Variants in ATG12 observed in about 807,000 individuals in gnomAD.
The protein encoded by ATG12 is autophagy related 12.
Under a neutral mutation model 17.6 loss-of-function variants are expected in ATG12, and 19 were observed. That is an observed-to-expected ratio of 1.08 (90% CI 0.75 to 1.58). The LOEUF is 1.58. Among genes scored for constraint, ATG12 ranks in the 40% most tolerant of loss-of-function variants. The pLI is 0.00. For missense variants in ATG12, 214 were observed against 162.0 expected (o/e 1.32, Z -1.74); for synonymous variants, 75 against 62.4 (o/e 1.20, Z -0.95).
rs1760827916 is a variant in ATG12, at chr5:115,830,547, T to A, written c.*1257A>T. The A allele has an allele frequency of 6.6e-6, 1 of 152,054 alleles. No homozygotes were observed. Among genetic ancestry groups the A allele is most frequent in the Non-Finnish European group, 1.5e-5 (1 of 68,002 alleles). The allele number at this position is 152,054 out of a possible 1,614,324, so 9.4% of individuals were successfully genotyped here. A position where few individuals can be genotyped will look rare whatever the true frequency, so the allele number is the denominator to read the frequency against. On this transcript the variant is annotated 3_prime_UTR_variant, in exon 4 of 4. Transcript: ENST00000509910. ...TTACATTCGATTTACTAGAATGCCT[T>A]TTTTTTTCTTTTTTGAGATGGGGTC...
intron 1 of ATG12, among the ~76,000 whole-genome samples, chr5:115,839,906 A>C (rs796718610): frequency 7.2e-5 from 11 of 152,358 alleles, no homozygotes; most frequent in African/African-American, 1.9e-4. Flanking sequence ...CTCATCCTTA[A>C]ATGACAGTTC....
At chr5:115,834,332 T>C (rs1307690777) in intron 2 of ATG12, 2 of 152,218 alleles carry the variant, frequency 1.3e-5, no homozygotes, top group East Asian at 1.9e-4. Context: ...ATAAATCTGT[T>C]TGCATACTAT....
chr5:115,832,010 G>T, intron 3 of ATG12, 147 bp from the exon 4 acceptor site: 1 of 719,434 alleles, frequency 1.4e-6, no homozygotes, highest in Non-Finnish European at 2.3e-6. Flanking sequence ...AAGGATGCCT[G>T]TTTCTATCAG....
In ATG12 at chr5:115,831,877, A is replaced by G. The variant is rs776332856; in HGVS notation, c.364-14T>C. 1.9e-5 allele frequency: 30 copies of G among 1,584,440 alleles called. No homozygotes were observed. Among genetic ancestry groups the G allele is most frequent in the Non-Finnish European group, 2.5e-5 (29 of 1,169,562 alleles). ...ACTGCCAAAACACTACAAAAAAAAA[A>G]GGCAATAAATCAAACTCAATCTTTT... On this transcript the variant is annotated splice_polypyrimidine_tract_variant and intron_variant, in intron 3 of 3. Coordinates refer to ENST00000509910, the MANE Select transcript of ATG12 (RefSeq NM_004707.4).
chr5:115,833,883 T>G (rs931650499), intron 2 of ATG12: 2 of 152,192 alleles, frequency 1.3e-5, no homozygotes, highest in African/African-American at 4.8e-5. Context: ...GGGGAAGGGC[T>G]CTCAATAACA....
Position 115,829,584 on chromosome 5 carries a change from A to G in ATG12, c.*2220T>C, listed in dbSNP as rs1175037609. 6.6e-6 allele frequency: 1 copy of G among 152,242 alleles called. No individual in the cohort carries two copies. Among genetic ancestry groups the G allele is most frequent in the African/African-American group, 2.4e-5 (1 of 41,460 alleles). The allele number at this position is 152,242 out of a possible 1,614,324, so 9.4% of individuals were successfully genotyped here. On this transcript the variant is annotated 3_prime_UTR_variant, in exon 4 of 4. Coordinates refer to ENST00000509910, the MANE Select transcript of ATG12 (RefSeq NM_004707.4). The stretch of plus-strand genomic sequence containing the variant: ...TATGCACAGTAAGATGAAGCATGAT[A>G]TTAATGACATCTATTTAGTCACAAA...
At chr5:115,836,360 AAACT>A (rs1349957777) in intron 2 of ATG12, among the ~76,000 whole-genome samples, 7 of 152,238 alleles carry the variant, frequency 4.6e-5, no homozygotes, top group Non-Finnish European at 8.8e-5. Context: ...ATGTATTTCT[AAACT>A]AATGCATTAA....
At chr5:115,839,960 G>A (rs1037827761) in intron 1 of ATG12, among the ~76,000 whole-genome samples, 1 of 152,218 alleles carries the variant, frequency 6.6e-6, no homozygotes, top group Admixed American at 6.5e-5. Context: ...ATATGCCCTC[G>A]GGCAATATTT....
Position 115,828,985 on chromosome 5 carries a change from T to TG in ATG12, c.*2818_*2819insC, listed in dbSNP as rs1760752275. The TG allele has an allele frequency of 6.6e-6, 1 of 152,186 alleles. No homozygotes were observed. The highest frequency in any genetic ancestry group is 1.5e-5 in the Non-Finnish European group (1 of 68,018). The allele number at this position is 152,186 out of a possible 1,614,324, so 9.4% of individuals were successfully genotyped here. A position where few individuals can be genotyped will look rare whatever the true frequency, so the allele number is the denominator to read the frequency against. On this transcript the variant is annotated 3_prime_UTR_variant, in exon 4 of 4. Coordinates refer to ENST00000509910, the MANE Select transcript of ATG12 (RefSeq NM_004707.4). ...GTTAGGATTTGAAAGGGTGAAGGTG[T>TG]AAGTAAACTGCACGAGCAGAAGTAG... is the stretch of plus-strand genomic sequence containing the variant.
chr5:115,832,049 T>C (rs551478989), intron 3 of ATG12, among the ~76,000 whole-genome samples, 186 bp from the exon 4 acceptor site: 1 of 152,342 alleles, frequency 6.6e-6, no homozygotes, highest in South Asian at 2.1e-4. Flanking sequence ...AAGTGTTTAA[T>C]AAAATCTGTC....
At chr5:115,832,803 T>C (rs563154173) in intron 2 of ATG12, 139 bp from the exon 3 acceptor site, 34 of 771,540 alleles carry the variant, frequency 4.4e-5, no homozygotes, top group Non-Finnish European at 6.0e-5. Flanking sequence ...CTTTTCTAAA[T>C]AGTCAATTTA....
intron 1 of ATG12, 62 bp from the exon 2 acceptor site, chr5:115,837,826 TAA>T (rs1761169098): frequency 7.3e-7 from 1 of 1,363,980 alleles, no homozygotes; most frequent in Admixed American, 2.7e-5. Flanking sequence ...GAATGGAATA[TAA>T]AAGACTTAGA....
intron 2 of ATG12, among the ~76,000 whole-genome samples, chr5:115,835,735 G>C (rs1003922519): frequency 5.3e-5 from 8 of 152,224 alleles, no homozygotes; most frequent in African/African-American, 1.9e-4. Context: ...GGATCTATTA[G>C]CGTTTTTGAG....
chr5:115,833,785 G>C (rs144051554), intron 2 of ATG12: 1 of 152,240 alleles, frequency 6.6e-6, no homozygotes, highest in African/African-American at 2.4e-5. Flanking sequence ...ATTATAATGT[G>C]AATTTTTTGT....
At chr5:115,832,745 T>A in intron 2 of ATG12, 81 bp from the exon 3 acceptor site, 2 of 1,302,960 alleles carry the variant, frequency 1.5e-6, no homozygotes, top group Non-Finnish European at 2.1e-6. Context: ...ATCAGCTAGC[T>A]ATTTTGTATT....
intron 2 of ATG12, among the ~76,000 whole-genome samples, chr5:115,836,066 G>A (rs1761085851): frequency 6.6e-6 from 1 of 152,052 alleles, no homozygotes; most frequent in South Asian, 2.1e-4. Context: ...AATTCAGGAG[G>A]TATCAGTTTT....
Position 115,831,656 on chromosome 5 carries a change from G to A in ATG12, c.*148C>T, listed in dbSNP as rs1561449840. 3 of 722,446 alleles carry A rather than the reference G, an allele frequency of 4.2e-6. No homozygotes were observed. Among genetic ancestry groups the A allele is most frequent in the Non-Finnish European group, 7.1e-6 (3 of 422,374 alleles). The allele number at this position is 722,446 out of a possible 1,614,324, so 44.8% of individuals were successfully genotyped here. On this transcript the variant is annotated 3_prime_UTR_variant, in exon 4 of 4. Coordinates refer to ENST00000509910, the MANE Select transcript of ATG12 (RefSeq NM_004707.4). The stretch of plus-strand genomic sequence containing the variant: ...TTTTTCTGAGTCCATTCATGCTATG[G>A]ATGTTTTCTTATGCATAAACATAGA...
intron 1 of ATG12, chr5:115,840,356 GGC>G (rs1761327384): frequency 6.0e-6 from 1 of 166,918 alleles, no homozygotes; most frequent in African/African-American, 2.5e-5. Context: ...GGAGTGCAAT[GGC>G]GAGACCTCCG....
intron 2 of ATG12, chr5:115,833,447 A>G (rs1307744956): frequency 6.6e-6 from 1 of 152,136 alleles, no homozygotes; most frequent in African/African-American, 2.4e-5. Flanking sequence ...TGAACCATCA[A>G]TATTGCTTGC....
Sources: allele counts gnomAD v4.1 joint callset (sites outside exome capture counted in the v4.1 genomes callset), GRCh38; gene constraint gnomAD v4.1.1; transcripts MANE v1.5; gene names NCBI Gene and HGNC (gene_info 2026-07-23, HGNC 2026-07-21).